The following GMDS variants were observed in gnomAD, a reference collection of about 807,000 sequenced individuals.
GMDS encodes the protein GDP-mannose 4,6-dehydratase, also known as GDP-mannose 4,6 dehydratase.
GMDS carries 20 observed loss-of-function variants against 49.9 expected under a neutral mutation model. The ratio of observed to expected loss-of-function variants is 0.40; its 90% CI spans 0.28 to 0.58. GMDS has a LOEUF of 0.58. Among genes scored for constraint, GMDS ranks in the 20% least tolerant of loss-of-function variants. The pLI, the probability that GMDS is intolerant of heterozygous loss-of-function variation, is 0.42. For synonymous variants in GMDS, 177 were observed against 178.6 expected (o/e 0.99, Z 0.07); for missense variants, 362 against 481.4 (o/e 0.75, Z 2.32).
chr6:1,665,936 C>A (rs1187143345), intron 9 of GMDS, among the ~76,000 whole-genome samples: 1 of 152,198 alleles, frequency 6.6e-6, no homozygotes, highest in African/African-American at 2.4e-5. Context: ...CAAGTTGAGT[C>A]CTATAATACA....
chr6:1,834,086 T>TA (rs1554124734), intron 7 of GMDS, among the ~76,000 whole-genome samples: 1 of 152,180 alleles, frequency 6.6e-6, no homozygotes, highest in Admixed American at 6.5e-5. Flanking sequence ...ATCTAGTAGT[T>TA]AAAGTTCAAT....
chr6:1,987,997 AAAT>A (rs1357115280), intron 4 of GMDS, among the ~76,000 whole-genome samples: 1 of 152,240 alleles, frequency 6.6e-6, no homozygotes, highest in Admixed American at 6.5e-5. Context: ...ACCAAGGAAA[AAAT>A]AATAACATAA....
intron 1 of GMDS, among the ~76,000 whole-genome samples, chr6:2,169,356 C>A (rs1777826580): frequency 6.6e-6 from 1 of 152,122 alleles, no homozygotes. Flanking sequence ...CCTGTAATCC[C>A]AGCACTTTGG....
At chr6:2,129,316 C>T (rs1241361495) in intron 1 of GMDS, among the ~76,000 whole-genome samples, 4 of 152,238 alleles carry the variant, frequency 2.6e-5, no homozygotes, top group South Asian at 4.2e-4. Flanking sequence ...GCCATCCTCC[C>T]GCAACACAGG....
intron 4 of GMDS, among the ~76,000 whole-genome samples, chr6:2,073,683 C>A (rs1210937078): frequency 6.6e-6 from 1 of 152,190 alleles, no homozygotes; most frequent in Admixed American, 6.5e-5. Flanking sequence ...ATCCTTCCCA[C>A]TCTCTGGCAT....
At chr6:1,713,028 C>A (rs183859402) in intron 9 of GMDS, among the ~76,000 whole-genome samples, 50 of 152,300 alleles carry the variant, frequency 3.3e-4, no homozygotes, top group Non-Finnish European at 5.4e-4. Flanking sequence ...CTGCGTTTCT[C>A]CCAAAGCAAC....
At chr6:1,731,459 C>A (rs1766804533) in intron 8 of GMDS, among the ~76,000 whole-genome samples, 1 of 152,228 alleles carries the variant, frequency 6.6e-6, no homozygotes, top group South Asian at 2.1e-4. Context: ...AGGTCTGAAA[C>A]ACTTTCTAGA....
In GMDS at chr6:2,216,742, T is replaced by C. The variant is rs578150825; in HGVS notation, c.102+28579A>G. On this transcript the variant is annotated intron_variant, in intron 1 of 10. Coordinates refer to ENST00000380815, the MANE Select transcript of GMDS (RefSeq NM_001500.4). ...CTAAGGAGGAAGCACATCTGTAATA[T>C]AATCACTAGGATTCTTCATAGCCCT... Among the ~76,000 whole-genome samples the C allele has an allele frequency of 2.0e-5, 3 of 152,298 alleles. No homozygotes were observed. The East Asian group carries it at 5.8e-4, about 29-fold the overall frequency.
At chr6:2,233,111 A>G (rs746449800) in intron 1 of GMDS, among the ~76,000 whole-genome samples, 2 of 152,210 alleles carry the variant, frequency 1.3e-5, no homozygotes, top group African/African-American at 4.8e-5. Flanking sequence ...ACTAAATGTC[A>G]GTAATGATAA....
At chr6:1,720,356 A>C (rs569852758) in intron 9 of GMDS, among the ~76,000 whole-genome samples, 39 of 152,262 alleles carry the variant, frequency 2.6e-4, no homozygotes, top group Admixed American at 5.2e-4. Context: ...AACTGAAGAG[A>C]CTGAAACTTA....
At chr6:2,017,542 C>G (rs1767987001) in intron 4 of GMDS, among the ~76,000 whole-genome samples, 1 of 152,148 alleles carries the variant, frequency 6.6e-6, no homozygotes, top group Admixed American at 6.5e-5. Context: ...CTCCCTACCT[C>G]AGGTGATCTG....
intron 7 of GMDS, among the ~76,000 whole-genome samples, chr6:1,900,305 C>T (rs1041217845): frequency 6.6e-6 from 1 of 152,096 alleles, no homozygotes; most frequent in African/African-American, 2.4e-5. Flanking sequence ...CAATCTGAGG[C>T]GTTATCATGC....
intron 4 of GMDS, among the ~76,000 whole-genome samples, chr6:2,095,068 C>A (rs976194853): frequency 6.6e-6 from 1 of 152,260 alleles, no homozygotes; most frequent in African/African-American, 2.4e-5. Flanking sequence ...AACACGTGCA[C>A]CCAGGTTTAC....
intron 4 of GMDS, among the ~76,000 whole-genome samples, chr6:2,040,830 G>A (rs1304230309): frequency 6.6e-6 from 1 of 152,124 alleles, no homozygotes; most frequent in Non-Finnish European, 1.5e-5. Flanking sequence ...TGATCAAAGA[G>A]ATCAAACCCT....
At chr6:2,009,341 T>A (rs1468336006) in intron 4 of GMDS, among the ~76,000 whole-genome samples, 1 of 152,156 alleles carries the variant, frequency 6.6e-6, no homozygotes, top group Non-Finnish European at 1.5e-5. Flanking sequence ...CCATACTACA[T>A]CTATGATATC....
chr6:1,649,851 T>C (rs1381933104), intron 9 of GMDS, among the ~76,000 whole-genome samples: 1 of 152,208 alleles, frequency 6.6e-6, no homozygotes, highest in East Asian at 1.9e-4. Context: ...GGAAAACAGT[T>C]TTAGGTGACT....
intron 4 of GMDS, among the ~76,000 whole-genome samples, chr6:1,993,846 G>T (rs1335235729): frequency 3.9e-5 from 6 of 151,904 alleles, no homozygotes; most frequent in Admixed American, 3.9e-4. Context: ...GTGGATTCTT[G>T]CCTAAAAAGC....
intron 6 of GMDS, chr6:1,930,969 T>A (rs1157745934): frequency 6.6e-6 from 1 of 152,228 alleles, no homozygotes; most frequent in Non-Finnish European, 1.5e-5. Context: ...AGGGGCCATA[T>A]CTTGATGAAA....
intron 6 of GMDS, among the ~76,000 whole-genome samples, chr6:1,934,511 T>C (rs1762433034): frequency 6.6e-6 from 1 of 152,240 alleles, no homozygotes; most frequent in African/African-American, 2.4e-5. Flanking sequence ...TACATGAATA[T>C]AGGATGTCTT....
Sources: gnomAD v4.1 joint callset for allele counts (sites outside exome capture counted in the v4.1 genomes callset) on GRCh38, gnomAD v4.1.1 for gene constraint, MANE v1.5 for transcripts, NCBI Gene and HGNC (gene_info 2026-07-23, HGNC 2026-07-21) for gene names.